SCN7A: variants seen among roughly 807,000 people sequenced by gnomAD.
SCN7A encodes the protein sodium voltage-gated channel alpha subunit 7.
SCN7A carries 138 observed loss-of-function variants against 155.2 expected under a neutral mutation model. The ratio of observed to expected loss-of-function variants is 0.89; its 90% CI spans 0.77 to 1.02. The LOEUF is 1.02. Among genes scored for constraint, SCN7A ranks in the 50% least tolerant of loss-of-function variants. The pLI, the probability that SCN7A is intolerant of heterozygous loss-of-function variation, is 0.00. For synonymous variants in SCN7A, 693 were observed against 649.0 expected (o/e 1.07, Z -1.03); for missense variants, 2,058 against 1,986.6 (o/e 1.04, Z -0.68).
chr2:166,407,352 T>C (rs572335156), intron 25 of SCN7A, among the ~76,000 whole-genome samples: 55 of 151,970 alleles, frequency 3.6e-4, no homozygotes, highest in Non-Finnish European at 5.2e-4. Context: ...TTATAATTCA[T>C]TAAAGGTATA....
chr2:166,447,691 T>C lies in SCN7A; in HGVS notation c.1308A>G (p.Ile436Met). Residue 436 changes from isoleucine to methionine, a missense_variant, in exon 12 of 26, where the codon ATA (isoleucine) becomes ATG (methionine). Transcript: ENST00000643258. ...AAATTGGTGACCTTTTCTTCATTTC[T>C]ATTTGTATGGTCTTGGCCTGAAAAG... is the stretch of plus-strand genomic sequence containing the variant. ...NETDEAKTIQ[I>M]EMKKRSPIST... is the part of the protein sequence containing the mutation. 1 of 1,612,850 alleles carries C rather than the reference T, an allele frequency of 6.2e-7. No individual in the cohort carries two copies. The highest frequency in any genetic ancestry group is 8.5e-7 in the Non-Finnish European group (1 of 1,179,036).
chr2:166,421,325 A>T, intron 19 of SCN7A, 28 bp from the exon 20 acceptor site: 1 of 1,243,464 alleles, frequency 8.0e-7, no homozygotes, highest in South Asian at 1.6e-5. Context: ...AAAAAGAGTG[A>T]ATAGGATTCC....
At chr2:166,414,140 A>C in intron 21 of SCN7A, among the ~76,000 whole-genome samples, 1 of 64,824 alleles carries the variant, frequency 1.5e-5, no homozygotes, top group Admixed American at 2.3e-4. Flanking sequence ...TATATATGTA[A>C]ATATATATAA....
chr2:166,470,417 C>A (rs993739098), intron 7 of SCN7A, among the ~76,000 whole-genome samples, 198 bp downstream of exon 7: 2 of 151,762 alleles, frequency 1.3e-5, no homozygotes, highest in Non-Finnish European at 1.5e-5. Flanking sequence ...ATTGAGCCTA[C>A]ACCAAATAAA....
intron 11 of SCN7A, among the ~76,000 whole-genome samples, chr2:166,450,337 G>A (rs1183545780): frequency 1.3e-5 from 2 of 152,236 alleles, no homozygotes; most frequent in African/African-American, 4.8e-5. Context: ...AGGCTTGCGG[G>A]TGGGCAAGGG....
intron 1 of SCN7A, among the ~76,000 whole-genome samples, chr2:166,490,339 T>C (rs1390682842): frequency 6.6e-6 from 1 of 152,194 alleles, no homozygotes; most frequent in Non-Finnish European, 1.5e-5. Context: ...TTCACATTTC[T>C]ATGAGATCAT....
chr2:166,428,325 T>G (rs565438443), intron 17 of SCN7A, among the ~76,000 whole-genome samples: 20 of 152,216 alleles, frequency 1.3e-4, no homozygotes, highest in Non-Finnish European at 2.1e-4. Context: ...TCTTTGAAGA[T>G]TCACATGGTA....
intron 9 of SCN7A, among the ~76,000 whole-genome samples, chr2:166,464,138 G>A (rs1232049302): frequency 1.3e-5 from 2 of 148,814 alleles, no homozygotes; most frequent in African/African-American, 5.0e-5. Flanking sequence ...GTATATATAC[G>A]AATATATACA....
chr2:166,415,232 T>G (rs563632377), intron 21 of SCN7A, among the ~76,000 whole-genome samples: 1 of 149,528 alleles, frequency 6.7e-6, no homozygotes, highest in South Asian at 2.1e-4. Context: ...TCTTTTTTTT[T>G]TTTTTTTCTT....
At chr2:166,425,704 C>A (rs1203707642) in intron 18 of SCN7A, among the ~76,000 whole-genome samples, 4 of 152,010 alleles carry the variant, frequency 2.6e-5, no homozygotes, top group African/African-American at 7.2e-5. Context: ...TTTCTGACAC[C>A]AACTCCTCCA....
At chr2:166,411,660 T>C (rs1456280382) in intron 23 of SCN7A, among the ~76,000 whole-genome samples, 4 of 152,032 alleles carry the variant, frequency 2.6e-5, no homozygotes, top group Admixed American at 2.6e-4. Context: ...ATGGCCACAG[T>C]GCATGATAAG....
At chr2:166,493,793 C>T (rs1453175157) in intron 1 of SCN7A, among the ~76,000 whole-genome samples, 175 bp downstream of exon 1, 3 of 152,176 alleles carry the variant, frequency 2.0e-5, no homozygotes, top group Non-Finnish European at 4.4e-5. Flanking sequence ...TTGAAGTATA[C>T]TCTTGAAGTA....
chr2:166,426,594 A>G (rs1164797201), intron 18 of SCN7A, among the ~76,000 whole-genome samples: 2 of 152,146 alleles, frequency 1.3e-5, no homozygotes, highest in Non-Finnish European at 2.9e-5. Context: ...CTGTAACAAA[A>G]TGAGAGGAAG....
chr2:166,463,956 A>C (rs1702468459), intron 9 of SCN7A, among the ~76,000 whole-genome samples: 2 of 151,912 alleles, frequency 1.3e-5, no homozygotes, highest in Admixed American at 6.6e-5. Context: ...CTTGAGAGGC[A>C]GAGGCACTAG....
Position 166,406,544 on chromosome 2 carries a change from C to T in SCN7A, c.4085G>A (p.Gly1362Glu), listed in dbSNP as rs776704160. 4 of 1,612,682 alleles carry T rather than the reference C, an allele frequency of 2.5e-6. No homozygotes were observed. Among genetic ancestry groups the T allele is most frequent in the Non-Finnish European group, 3.4e-6 (4 of 1,179,274 alleles). The change falls in exon 26 of 26, where the codon GGA becomes GAA. Residue 1362 changes from glycine to glutamate, a missense_variant. Transcript: ENST00000643258. ...RIIHMLRLGK[G>E]PKVFHNLMLP... Reference sequence around the variant, plus strand: ...CATCAGATTATGAAACACCTTTGGTCCTTTTCCAAGACGCAGCATGTGAAT... The same window carrying T: ...CATCAGATTATGAAACACCTTTGGTTCTTTTCCAAGACGCAGCATGTGAAT...
intron 2 of SCN7A, among the ~76,000 whole-genome samples, chr2:166,478,537 A>C (rs1438623176): frequency 6.6e-6 from 1 of 151,780 alleles, no homozygotes; most frequent in Non-Finnish European, 1.5e-5. Context: ...CAGCAACTTA[A>C]CAGGTAAAAA....
intron 22 of SCN7A, 148 bp from the exon 23 acceptor site, chr2:166,412,815 TC>T: frequency 7.8e-7 from 1 of 1,285,494 alleles, no homozygotes; most frequent in Non-Finnish European, 1.0e-6. Flanking sequence ...TAAAAGGATA[TC>T]ATTGCTTTGT....
Position 166,462,418 on chromosome 2 carries a change from G to T in SCN7A, c.1054C>A (p.Gln352Lys). 6.2e-7 allele frequency: 1 copy of T among 1,601,832 alleles called. No individual in the cohort carries two copies. The highest frequency in any genetic ancestry group is 8.5e-7 in the Non-Finnish European group (1 of 1,173,620). The change falls in exon 10 of 26, where the codon CAG becomes AAG. Residue 352 changes from glutamine to lysine, a missense_variant. Transcript: ENST00000643258. ...ALFALFRLMA[Q>K]DYPEVLYHQI... ...TGATAAAGTACTTCAGGGTAATCCTGAGCCATTAACCGAAATAGGGCAAAT... is the reference window on the plus strand; with the variant it reads ...TGATAAAGTACTTCAGGGTAATCCTTAGCCATTAACCGAAATAGGGCAAAT...
intron 15 of SCN7A, among the ~76,000 whole-genome samples, chr2:166,434,922 T>C (rs936322762): frequency 6.6e-6 from 1 of 152,044 alleles, no homozygotes; most frequent in African/African-American, 2.4e-5. Context: ...TAATTGATTA[T>C]AGAAAGAATA....
Sources: gnomAD v4.1 joint callset for allele counts (sites outside exome capture counted in the v4.1 genomes callset) on GRCh38, gnomAD v4.1.1 for gene constraint, MANE v1.5 for transcripts, NCBI Gene and HGNC (gene_info 2026-07-23, HGNC 2026-07-21) for gene names.